Variants in ZBTB49 observed in about 807,000 individuals in gnomAD.
ZBTB49 encodes zinc finger and BTB domain containing 49.
In ZBTB49, 43 loss-of-function variants were observed where a neutral mutation model predicts 57.5. The ratio of observed to expected loss-of-function variants is 0.75; its 90% CI spans 0.59 to 0.97. The LOEUF is 0.97. ZBTB49 is among the 50% of genes least tolerant of loss of function. The probability of loss-of-function intolerance (pLI) is 0.00; values close to 1 mark genes in which losing one functional copy is unlikely to be tolerated. For missense variants in ZBTB49, 938 were observed against 947.7 expected, an observed-to-expected ratio of 0.99 and a Z score of 0.13; for synonymous variants, 369 against 362.1, an observed-to-expected ratio of 1.02 and a Z score of -0.22.
Position 4,302,431 on chromosome 4 carries a change from G to C in ZBTB49, c.595G>C (p.Asp199His). 1 of 1,614,220 alleles carries C rather than the reference G, an allele frequency of 6.2e-7. No homozygotes were observed. Among genetic ancestry groups the C allele is most frequent in the Admixed American group, 1.7e-5 (1 of 60,018 alleles). Residue 199 changes from aspartate (D) to histidine (H), a missense_variant, in exon 3 of 8, where the codon GAT (aspartate) becomes CAT (histidine). By Grantham distance (81) the Asp-to-His change is moderately conservative (BLOSUM62 -1). This residue lies in a region of ZBTB49 where 835 missense variants were observed against 819.1 expected (regional missense o/e 1.02). Transcript: ENST00000337872. ...EISKQAPDTS[D>H]GSCTELPFKQ... ...CTCAAAACAAGCTCCTGATACTTCA[G>C]ATGGCAGCTGCACAGAACTGCCTTT...
chr4:4,301,596 A>AAT (rs1387076178), intron 2 of ZBTB49, among the ~76,000 whole-genome samples: 1 of 152,156 alleles, frequency 6.6e-6, no homozygotes, highest in African/African-American at 2.4e-5. Flanking sequence ...GTATGTATTT[A>AAT]ATATATATGG....
In ZBTB49 at chr4:4,299,806, TGTGTGAGAGA is replaced by T. The variant is rs1464936988; in HGVS notation, c.-19-119_-19-110del. 2.3e-3 allele frequency: 1,682 copies of T among 732,396 alleles called. 3 individuals carry two copies. The East Asian group carries it at 0.028, about 12-fold the overall frequency. The allele number at this position is 732,396 out of a possible 1,614,324, so 45.4% of individuals were successfully genotyped here. On this transcript the variant is annotated intron_variant, in intron 1 of 7. Transcript: ENST00000337872. ...GTGTGTGTGTGTGTGTGTGTGTGTG[TGTGTGAGAGA>T]GAAACTGTGATGAGAGAGTGAAGCA...
At chr4:4,312,706 C>T (rs898919036) in intron 4 of ZBTB49, among the ~76,000 whole-genome samples, 9 of 152,204 alleles carry the variant, frequency 5.9e-5, no homozygotes, top group Non-Finnish European at 8.8e-5. Context: ...ACATCAAGGC[C>T]TATTTAAAGT....
chr4:4,302,162 TTCTGAG>T lies in ZBTB49; in HGVS notation c.331_336del (p.Ser111_Leu112del). 1 of 1,614,250 alleles carries T rather than the reference TTCTGAG, an allele frequency of 6.2e-7. No homozygotes were observed. The highest frequency in any genetic ancestry group is 8.5e-7 in the Non-Finnish European group (1 of 1,180,046). Reference sequence around the variant, plus strand: ...GCACAGTGTTTGCAAGTTCAAAATGTTCTGAGTCTGTGTCACACATTTTTAAAATCA... The same window carrying T: ...GCACAGTGTTTGCAAGTTCAAAATGTTCTGTGTCACACATTTTTAAAATCA... On this transcript the variant is annotated inframe_deletion, in exon 3 of 8. Transcript: ENST00000337872.
chr4:4,292,004 G>A (rs1719961020), intron 1 of ZBTB49, among the ~76,000 whole-genome samples: 1 of 152,198 alleles, frequency 6.6e-6, no homozygotes. Context: ...CGGGTGTGGT[G>A]GCGCATGCCT....
intron 2 of ZBTB49, among the ~76,000 whole-genome samples, chr4:4,301,117 G>A (rs1366454919): frequency 6.6e-6 from 1 of 152,098 alleles, no homozygotes; most frequent in African/African-American, 2.4e-5. Context: ...GTCTTCCCAG[G>A]ACAGTTAAAT....
chr4:4,297,323 G>A (rs1197593911), intron 1 of ZBTB49, among the ~76,000 whole-genome samples: 2 of 152,160 alleles, frequency 1.3e-5, no homozygotes, highest in Non-Finnish European at 2.9e-5. Context: ...CCCCACCTCA[G>A]CCTCCTAAAA....
chr4:4,315,600 A>G lies in ZBTB49; in HGVS notation c.1377-36A>G, dbSNP rs970425260. On this transcript the variant is annotated intron_variant, in intron 5 of 7. Coordinates refer to ENST00000337872, the MANE Select transcript of ZBTB49 (RefSeq NM_145291.4). ...GTTATAAAGACCCACAGTAATGTGG[A>G]AAGGCTCTTAATTGAATTTTCAAAT... 3.7e-6 allele frequency: 6 copies of G among 1,603,724 alleles called. No individual in the cohort carries two copies. The African/African-American group carries it at 8.0e-5, about 21-fold the overall frequency.
At chr4:4,292,097 A>AC (rs1233795268) in intron 1 of ZBTB49, among the ~76,000 whole-genome samples, 1 of 151,112 alleles carries the variant, frequency 6.6e-6, no homozygotes, top group South Asian at 2.1e-4. Flanking sequence ...ACATGGTGAG[A>AC]CCCCCACCCC....
At chr4:4,309,276 C>T (rs1374627197) in intron 4 of ZBTB49, among the ~76,000 whole-genome samples, 2 of 152,142 alleles carry the variant, frequency 1.3e-5, no homozygotes, top group Admixed American at 6.5e-5. Flanking sequence ...TGCATCTGTC[C>T]GTGTGACTGG....
rs1165014301 is a variant in ZBTB49 at position 4,313,065 on chromosome 4, C to G, written c.1327C>G (p.Arg443Gly). Residue 443 changes from arginine (R) to glycine (G), a missense_variant, in exon 5 of 8, where the codon CGA (arginine) becomes GGA (glycine). Coordinates refer to ENST00000337872, the MANE Select transcript of ZBTB49 (RefSeq NM_145291.4). ...GGCAGGTAACTTGCAGACTCACTTA[C>G]GACGGCATTCTGGTGAAAAACCATA... is the stretch of plus-strand genomic sequence containing the variant. The part of the protein sequence containing the change: ...SQAGNLQTHL[R>G]RHSGEKPYIC... 1.2e-6 allele frequency: 2 copies of G among 1,614,066 alleles called. No homozygotes were observed. The highest frequency in any genetic ancestry group is 1.7e-6 in the Non-Finnish European group (2 of 1,180,020).
At chr4:4,308,599 A>T (rs1720842333) in intron 4 of ZBTB49, among the ~76,000 whole-genome samples, 1 of 152,150 alleles carries the variant, frequency 6.6e-6, no homozygotes, top group African/African-American at 2.4e-5. Flanking sequence ...TTGCTGCTTT[A>T]TTTTCATAGT....
chr4:4,310,887 T>C (rs993392176), intron 4 of ZBTB49, among the ~76,000 whole-genome samples: 2 of 152,096 alleles, frequency 1.3e-5, no homozygotes, highest in Non-Finnish European at 2.9e-5. Context: ...ACCTAAGATA[T>C]CCTTAGTACT....
At chr4:4,299,715 C>A (rs1375151518) in intron 1 of ZBTB49, among the ~76,000 whole-genome samples, 1 of 151,736 alleles carries the variant, frequency 6.6e-6, no homozygotes, top group Non-Finnish European at 1.5e-5. Flanking sequence ...AGATAGAGAG[C>A]ATTTCCATCA....
In ZBTB49 at chr4:4,304,021, C is replaced by T. The variant is rs142321542; in HGVS notation, c.1255+930C>T. The stretch of plus-strand genomic sequence containing the variant: ...CTATGGATTCACAGTTTGCATTTTA[C>T]GACCTTGTATTATTGGGAGATTTCT... On this transcript the variant is annotated intron_variant, in intron 3 of 7. Coordinates refer to ENST00000337872, the MANE Select transcript of ZBTB49 (RefSeq NM_145291.4). Among the ~76,000 whole-genome samples, 65 of 152,118 alleles carry T rather than the reference C, an allele frequency of 4.3e-4. 1 individual carries two copies. The East Asian group carries it at 6.7e-3, about 16-fold the overall frequency.
At position 4,320,819 on chromosome 4, in the gene ZBTB49, C is replaced by G; in HGVS notation, c.1801C>G (p.Gln601Glu). The change falls in exon 8 of 8, where the codon CAA (glutamine) becomes GAA (glutamate). Residue 601 changes from glutamine (Q) to glutamate (E), a missense_variant. This residue lies in a region of ZBTB49 where 835 missense variants were observed against 819.1 expected (regional missense o/e 1.02). Transcript: ENST00000337872. ...ESPDVLEELS[Q>E]AIETSDLEKS... is the part of the protein sequence containing the mutation. ...CCCAGATGTGCTGGAGGAGCTCAGC[C>G]AAGCCATCGAGACCTCCGACCTCGA... The G allele has an allele frequency of 6.2e-7, 1 of 1,614,204 alleles. No individual in the cohort carries two copies.
At chr4:4,296,842 C>T (rs916489677) in intron 1 of ZBTB49, among the ~76,000 whole-genome samples, 3 of 151,958 alleles carry the variant, frequency 2.0e-5, no homozygotes, top group Admixed American at 1.3e-4. Context: ...GAGGAGCCAC[C>T]AAAGGACAGG....
intron 1 of ZBTB49, among the ~76,000 whole-genome samples, chr4:4,297,365 C>T (rs183092032): frequency 8.5e-5 from 13 of 152,266 alleles, no homozygotes; most frequent in Admixed American, 1.3e-4. Context: ...CCACTGCGCC[C>T]GACTGGGTTC....
Position 4,321,488 on chromosome 4 carries a change from G to T in ZBTB49, c.*172G>T. 2.6e-6 allele frequency: 2 copies of T among 761,856 alleles called. No homozygotes were observed. Among genetic ancestry groups the T allele is most frequent in the Non-Finnish European group, 2.1e-6 (1 of 486,230 alleles). The allele number at this position is 761,856 out of a possible 1,614,324, so 47.2% of individuals were successfully genotyped here. On this transcript the variant is annotated 3_prime_UTR_variant, in exon 8 of 8. Transcript: ENST00000337872. ...AAGCATCTTGAGCTGGGGGTGTGAG[G>T]GGGAGGGCCTGCTGGCTCACCGTGA...
Sources: gnomAD v4.1 joint callset for allele counts (sites outside exome capture counted in the v4.1 genomes callset) on GRCh38, gnomAD v4.1.1 for gene constraint, gnomAD v4.1.1 regional missense constraint, MANE v1.5 for transcripts, NCBI Gene and HGNC (gene_info 2026-07-23, HGNC 2026-07-21) for gene names.